ZFYVE19: variants seen among roughly 807,000 people sequenced by gnomAD.
The protein encoded by ZFYVE19 is abscission/NoCut checkpoint regulator.
ZFYVE19 carries 49 observed loss-of-function variants against 62.8 expected under a neutral mutation model. The observed-to-expected ratio is 0.78, with a 90% CI of 0.62 to 0.99. ZFYVE19 has a LOEUF of 0.99. Among genes scored for constraint, ZFYVE19 ranks in the 50% least tolerant of loss-of-function variants. The pLI is 0.00. For synonymous variants in ZFYVE19, 242 were observed against 234.3 expected (o/e 1.03, Z -0.30); for missense variants, 630 against 601.9 (o/e 1.05, Z -0.49).
Position 40,808,390 on chromosome 15 carries a change from C to G in ZFYVE19, c.279+522C>G, listed in dbSNP as rs371050110. 3 of 1,595,868 alleles carry G rather than the reference C, an allele frequency of 1.9e-6. No individual in the cohort carries two copies. In the Admixed American group the frequency reaches 5.0e-5, roughly 27 times the overall value. ...CTGGTAAACTGCAGGTTCCCTCTGCCTCAGTTGTGGCCAGGGATTCTGACC... is the reference window on the plus strand; with the variant it reads ...CTGGTAAACTGCAGGTTCCCTCTGCGTCAGTTGTGGCCAGGGATTCTGACC... On this transcript the variant is annotated intron_variant, in intron 1 of 10. Transcript: ENST00000355341.
chr15:40,812,738 G>A lies in ZFYVE19; in HGVS notation c.866G>A (p.Gly289Glu). The change falls in exon 7 of 11, where the codon GGG becomes GAG. Residue 289 changes from glycine to glutamate, a missense_variant. Transcript: ENST00000355341. ...AATGATCTCAACCAGGGTGGCCCAG[G>A]GAGCACTAATTCCAAGAGGCAGGCC... is the stretch of plus-strand genomic sequence containing the variant. Reference protein sequence around the residue: ...LQNDLNQGGPGSTNSKRQANW... With the variant: ...LQNDLNQGGPESTNSKRQANW... 6.2e-7 allele frequency: 1 copy of A among 1,611,032 alleles called. No homozygotes were observed.
chr15:40,808,315 C>T (rs750651337), intron 1 of ZFYVE19: 2 of 1,597,956 alleles, frequency 1.3e-6, no homozygotes, highest in Non-Finnish European at 1.7e-6. Flanking sequence ...TCCGGGGCAC[C>T]ATGGTGAAGG....
Position 40,810,632 on chromosome 15 carries a change from T to C in ZFYVE19, c.718-17T>C. ...GGGCTACCCCTGCTCTCCACTGAGG[T>C]TTCCTCGTCTGTGCAGGCACATCAC... On this transcript the variant is annotated splice_polypyrimidine_tract_variant and intron_variant, in intron 5 of 10. Coordinates refer to ENST00000355341, the MANE Select transcript of ZFYVE19 (RefSeq NM_001077268.2). 6.4e-7 allele frequency: 1 copy of C among 1,555,136 alleles called. No individual in the cohort carries two copies.
At chr15:40,809,766 A>T in intron 3 of ZFYVE19, 86 bp from the exon 4 acceptor site, 1 of 1,438,048 alleles carries the variant, frequency 7.0e-7, no homozygotes, top group Middle Eastern at 1.8e-4. Flanking sequence ...CCCAGAAATG[A>T]TTTGATTTGA....
At chr15:40,812,274 A>G (rs1023413048) in intron 6 of ZFYVE19, among the ~76,000 whole-genome samples, 19 of 152,200 alleles carry the variant, frequency 1.2e-4, no homozygotes, top group African/African-American at 4.6e-4. Flanking sequence ...AAAGCTGGGC[A>G]TGATGGCTCA....
chr15:40,812,741 G>T lies in ZFYVE19; in HGVS notation c.869G>T (p.Ser290Ile). 2 of 1,611,354 alleles carry T rather than the reference G, an allele frequency of 1.2e-6. No homozygotes were observed. ...GATCTCAACCAGGGTGGCCCAGGGA[G>T]CACTAATTCCAAGAGGCAGGCCAAC... ...QNDLNQGGPG[S>I]TNSKRQANWS... The change falls in exon 7 of 11, where the codon AGC (serine) becomes ATC (isoleucine). Residue 290 changes from serine (S) to isoleucine (I), a missense_variant. By Grantham distance (142) the Ser-to-Ile change is moderately radical (BLOSUM62 -2). Transcript: ENST00000355341.
At chr15:40,808,249 C>T in intron 1 of ZFYVE19, 2 of 1,596,726 alleles carry the variant, frequency 1.3e-6, no homozygotes, top group Non-Finnish European at 8.5e-7. Flanking sequence ...CTTCCCCATC[C>T]CGCAGCCTGC....
Position 40,807,560 on chromosome 15 carries a change from A to ACT in ZFYVE19, c.-29_-28dup. The ACT allele has an allele frequency of 1.2e-6, 2 of 1,607,038 alleles. No homozygotes were observed. Among genetic ancestry groups the ACT allele is most frequent in the East Asian group, 2.2e-5 (1 of 44,808 alleles). On this transcript the variant is annotated 5_prime_UTR_variant, in exon 1 of 11. Transcript: ENST00000355341. ...GGAATTGTGTTCTGGGTCAGGCTTG[A>ACT]CTGACTCTGAGGGAGGCCGGCAGTC...
chr15:40,814,132 TC>T lies in ZFYVE19; in HGVS notation c.1338-13del. 6.2e-7 allele frequency: 1 copy of T among 1,614,174 alleles called. No individual in the cohort carries two copies. The highest frequency in any genetic ancestry group is 2.2e-5 in the East Asian group (1 of 44,882). On this transcript the variant is annotated splice_polypyrimidine_tract_variant and intron_variant, in intron 10 of 10. Transcript: ENST00000355341. ...GGGCTGCCTGGATCCCTGACTTGTATCCCTTTGTTCCACAGAGAGGGCCATG... is the reference window on the plus strand; with the variant it reads ...GGGCTGCCTGGATCCCTGACTTGTATCCTTTGTTCCACAGAGAGGGCCATG...
At chr15:40,812,969 A>T (rs1035202139) in intron 7 of ZFYVE19, 67 bp downstream of exon 7, 2 of 1,558,276 alleles carry the variant, frequency 1.3e-6, no homozygotes, top group Middle Eastern at 2.3e-4. Flanking sequence ...GGGCTGAGTC[A>T]GGTGCTGGGG....
intron 1 of ZFYVE19, 92 bp downstream of exon 1, chr15:40,807,960 C>G (rs1401052543): frequency 6.9e-7 from 1 of 1,454,306 alleles, no homozygotes; most frequent in African/African-American, 1.4e-5. Context: ...CTTACGGCTC[C>G]TTTCCAGCTG....
chr15:40,807,349 T>C lies in ZFYVE19; in HGVS notation c.-241T>C, dbSNP rs1253864978. On this transcript the variant is annotated 5_prime_UTR_variant, in exon 1 of 11. Coordinates refer to ENST00000355341, the MANE Select transcript of ZFYVE19 (RefSeq NM_001077268.2). ...ACCGCCAGACCTCTCAAGATCAGCC[T>C]TCCTCGCCACCGTTCTCACCTCTTT... The C allele has an allele frequency of 6.2e-7, 1 of 1,614,242 alleles. No individual in the cohort carries two copies. Among genetic ancestry groups the C allele is most frequent in the African/African-American group, 1.3e-5 (1 of 75,066 alleles).
chr15:40,808,994 C>T (rs1184892568), intron 1 of ZFYVE19, 125 bp from the exon 2 acceptor site: 2 of 1,462,024 alleles, frequency 1.4e-6, no homozygotes, highest in East Asian at 4.6e-5. Flanking sequence ...GGCCCCACTC[C>T]TCTTCTTCCT....
rs754283347 is a variant in ZFYVE19, at chr15:40,813,936, C to G, written c.1210-7C>G. The G allele has an allele frequency of 1.9e-6, 3 of 1,601,824 alleles. No homozygotes were observed. Among genetic ancestry groups the G allele is most frequent in the South Asian group, 2.2e-5 (2 of 89,098 alleles). ...TTACTTCCTCCATTCCTCTCTGATC[C>G]CTGAAGGCCCAGGATGTGGACCCCA... On this transcript the variant is annotated splice_region_variant and splice_polypyrimidine_tract_variant and intron_variant, in intron 9 of 10. Transcript: ENST00000355341.
Position 40,807,701 on chromosome 15 carries a change from T to TGGGGCGGGGC in ZFYVE19, c.113_122dup (p.Gln43ArgfsTer13), listed in dbSNP as rs142730574. On this transcript the variant is annotated frameshift_variant, in exon 1 of 11. Coordinates refer to ENST00000355341, the MANE Select transcript of ZFYVE19 (RefSeq NM_001077268.2). LOFTEE classifies it high-confidence loss of function. The stretch of plus-strand genomic sequence containing the variant: ...CGGCGGGACAGTGCCAGTGGGCGTG[T>TGGGGCGGGGC]GGGGCGGGGCAGGGCAGGGAAGGGA... The TGGGGCGGGGC allele has an allele frequency of 4.3e-5, 68 of 1,597,194 alleles. No individual in the cohort carries two copies. Among genetic ancestry groups the TGGGGCGGGGC allele is most frequent in the African/African-American group, 9.4e-5 (7 of 74,622 alleles).
chr15:40,808,980 T>C lies in ZFYVE19; in HGVS notation c.280-139T>C, dbSNP rs1010234874. 2.4e-6 allele frequency: 3 copies of C among 1,249,668 alleles called. No individual in the cohort carries two copies. The Admixed American group carries it at 6.3e-5, about 26-fold the overall frequency. 77.4% of individuals were successfully genotyped at this position (1,249,668 alleles called of 1,614,324 possible). A position where few individuals can be genotyped will look rare whatever the true frequency, so the allele number is the denominator to read the frequency against. ...TGCTTTACTCACCATCCCTAGGCCT[T>C]AGGGGCCCCACTCCTCTTCTTCCTC... On this transcript the variant is annotated intron_variant, in intron 1 of 10. Transcript: ENST00000355341.
In ZFYVE19 at chr15:40,807,378, C is replaced by G; in HGVS notation, c.-212C>G. 1 of 1,614,256 alleles carries G rather than the reference C, an allele frequency of 6.2e-7. No individual in the cohort carries two copies. The highest frequency in any genetic ancestry group is 1.1e-5 in the South Asian group (1 of 91,092). ...TCGCCACCGTTCTCACCTCTTTGTCCGCTGCCTTCTCCTCAATGCCTAGCA... is the reference window on the plus strand; with the variant it reads ...TCGCCACCGTTCTCACCTCTTTGTCGGCTGCCTTCTCCTCAATGCCTAGCA... On this transcript the variant is annotated 5_prime_UTR_variant, in exon 1 of 11. Coordinates refer to ENST00000355341, the MANE Select transcript of ZFYVE19 (RefSeq NM_001077268.2).
chr15:40,807,336 C>G lies in ZFYVE19; in HGVS notation c.-254C>G. 1.9e-6 allele frequency: 3 copies of G among 1,614,298 alleles called. No homozygotes were observed. The South Asian group carries it at 3.3e-5, about 18-fold the overall frequency. On this transcript the variant is annotated 5_prime_UTR_variant, in exon 1 of 11. Transcript: ENST00000355341. Reference sequence around the variant, plus strand: ...TAGGACAGGAAGGACCGCCAGACCTCTCAAGATCAGCCTTCCTCGCCACCG... The same window carrying G: ...TAGGACAGGAAGGACCGCCAGACCTGTCAAGATCAGCCTTCCTCGCCACCG...
At chr15:40,813,649 A>C in intron 8 of ZFYVE19, 64 bp from the exon 9 acceptor site, 4 of 1,463,820 alleles carry the variant, frequency 2.7e-6, no homozygotes, top group Non-Finnish European at 3.7e-6. Context: ...GTGCACAGAA[A>C]TACTGGGAGA....
Sources: gnomAD v4.1 joint callset for allele counts (sites outside exome capture counted in the v4.1 genomes callset) on GRCh38, gnomAD v4.1.1 for gene constraint, MANE v1.5 for transcripts, NCBI Gene and HGNC (gene_info 2026-07-23, HGNC 2026-07-21) for gene names.